PASD1: variants seen among roughly 807,000 people sequenced by gnomAD.
PASD1 encodes the protein circadian clock protein PASD1.
PASD1 carries 13 observed loss-of-function variants against 58.8 expected under a neutral mutation model. The ratio of observed to expected loss-of-function variants is 0.22; its 90% CI spans 0.14 to 0.35. The LOEUF (loss-of-function observed/expected upper bound fraction) is 0.35. Ranked by LOEUF, PASD1 falls within the 10% of genes least tolerant of loss-of-function variation. The pLI is 1.00. For synonymous variants in PASD1, 236 were observed against 216.7 expected, an observed-to-expected ratio of 1.09 and a Z score of -0.78; for missense variants, 734 against 568.3, an observed-to-expected ratio of 1.29 and a Z score of -2.96.
chrX:151,654,024 T>G (rs1012262302), intron 9 of PASD1, among the ~76,000 whole-genome samples: 2 of 100,772 alleles, frequency 2.0e-5, no homozygotes, highest in African/African-American at 7.3e-5. Flanking sequence ...CAGACTGGAA[T>G]GCAGTGGCAT....
chrX:151,570,568 A>G (rs1027481490), intron 1 of PASD1, among the ~76,000 whole-genome samples: 6 of 112,678 alleles, frequency 5.3e-5, no homozygotes, highest in African/African-American at 1.9e-4. Context: ...CTACATAGTG[A>G]TGAAAGGGTT....
rs138309673 is a variant in PASD1, at chrX:151,638,009, T to C, written c.630-10606T>C. Among the ~76,000 whole-genome samples the C allele has an allele frequency of 4.2e-3, 469 of 111,784 alleles. 3 individuals are homozygous for C. The highest frequency in any genetic ancestry group is 0.014 in the African/African-American group (436 of 30,732). ...CCTGCAAACATTGTTCTAATATTAA[T>C]TTTGCAAAGTCAGAGCAGTAAAAAT... On this transcript the variant is annotated intron_variant, in intron 8 of 15. Transcript: ENST00000370357.
chrX:151,634,085 T>C (rs1341653367), intron 8 of PASD1, among the ~76,000 whole-genome samples: 1 of 112,027 alleles, frequency 8.9e-6, no homozygotes, highest in Non-Finnish European at 1.9e-5. Context: ...TTGCTTTAGC[T>C]CCATTGCCAT....
intron 8 of PASD1, among the ~76,000 whole-genome samples, chrX:151,641,574 A>G (rs2013996593): frequency 9.0e-6 from 1 of 111,508 alleles, no homozygotes; most frequent in African/African-American, 3.3e-5. Context: ...ATAAGAATCC[A>G]TATCTGTGTC....
intron 8 of PASD1, among the ~76,000 whole-genome samples, chrX:151,635,354 C>T: frequency 8.9e-6 from 1 of 111,784 alleles, no homozygotes; most frequent in Admixed American, 9.5e-5. Context: ...CTTTTAAGTG[C>T]TTTCAGAACT....
chrX:151,599,454 C>T lies in PASD1; in HGVS notation c.-27-2073C>T, dbSNP rs1487722234. 2.5e-4 allele frequency among the ~76,000 whole-genome samples: 27 copies of T among 108,923 alleles called. No homozygotes were observed. In the East Asian group the frequency reaches 4.2e-3, roughly 17 times the overall value. The allele number at this position is 108,923 out of a possible 115,157, so 94.6% of individuals were successfully genotyped here. Reference sequence around the variant, plus strand: ...GGCGGCTGGCCGGGCGGGGGCTGCCCGCCACCTCCCGGACTGGGCGGCTGC... The same window carrying T: ...GGCGGCTGGCCGGGCGGGGGCTGCCTGCCACCTCCCGGACTGGGCGGCTGC... On this transcript the variant is annotated intron_variant, in intron 1 of 15. Transcript: ENST00000370357.
chrX:151,672,149 C>G (rs2014480035), intron 13 of PASD1, 34 bp from the exon 14 acceptor site: 1 of 1,131,708 alleles, frequency 8.8e-7, no homozygotes, highest in African/African-American at 1.8e-5. Flanking sequence ...CTTGCAGACA[C>G]CAGGGTGCTT....
At position 151,570,847 on chromosome X, in the gene PASD1, A is replaced by T. The variant is rs749733591; in HGVS notation, c.-28+7008A>T. Reference sequence around the variant, plus strand: ...AAGGAGGTGGTTGATTCATTCTTTTACTGTGGATTGTCAGCTGAATAAAGC... The same window carrying T: ...AAGGAGGTGGTTGATTCATTCTTTTTCTGTGGATTGTCAGCTGAATAAAGC... On this transcript the variant is annotated intron_variant, in intron 1 of 15. Transcript: ENST00000370357. Among the ~76,000 whole-genome samples the T allele has an allele frequency of 2.7e-5, 3 of 112,305 alleles. No individual in the cohort carries two copies. In the East Asian group the frequency reaches 8.4e-4, roughly 32 times the overall value.
At chrX:151,622,002 C>G (rs1010845280) in intron 6 of PASD1, among the ~76,000 whole-genome samples, 1 of 108,767 alleles carries the variant, frequency 9.2e-6, no homozygotes, top group African/African-American at 3.4e-5. Context: ...TGGCTGGGGT[C>G]GGGAATTCTA....
chrX:151,639,838 T>C (rs1028846576), intron 8 of PASD1, among the ~76,000 whole-genome samples: 1 of 112,149 alleles, frequency 8.9e-6, no homozygotes, highest in Non-Finnish European at 1.9e-5. Flanking sequence ...GTCATGTGTT[T>C]AGCTATGGGT....
chrX:151,624,633 T>C (rs1281058749), intron 7 of PASD1, among the ~76,000 whole-genome samples: 1 of 111,653 alleles, frequency 9.0e-6, no homozygotes, highest in East Asian at 2.8e-4. Context: ...GCTATTACAG[T>C]TGTTGTGATC....
Position 151,664,161 on chromosome X carries a change from C to G in PASD1, c.884C>G (p.Pro295Arg). 8.3e-7 allele frequency: 1 copy of G among 1,210,852 alleles called. No homozygotes were observed. The highest frequency in any genetic ancestry group is 1.1e-6 in the Non-Finnish European group (1 of 895,345). The change falls in exon 11 of 16, where the codon CCA becomes CGA. Residue 295 changes from proline (P) to arginine (R), a missense_variant. By Grantham distance (103) the Pro-to-Arg change is moderately radical (BLOSUM62 -2). Transcript: ENST00000370357. ...QDFRGEPEVN[P>R]LYRADPVDLE... is the part of the protein sequence containing the mutation. ...TTTCGAGGTGAGCCTGAGGTGAATC[C>G]ATTGTACAGGGCAGACCCAGTGGAC...
chrX:151,573,530 A>G (rs1305572226), intron 1 of PASD1, among the ~76,000 whole-genome samples: 4 of 112,923 alleles, frequency 3.5e-5, no homozygotes, highest in Middle Eastern at 4.6e-3. Flanking sequence ...CTGACAATAC[A>G]GGACTTTGAT....
At chrX:151,620,860 G>C in intron 4 of PASD1, 70 bp from the exon 5 acceptor site, 1 of 623,525 alleles carries the variant, frequency 1.6e-6, no homozygotes, top group South Asian at 2.7e-5. Context: ...TATTAACACA[G>C]ATAAAAAAGT....
rs1340241533 is a variant in PASD1, at chrX:151,630,949, A to G, written c.629+5419A>G. On this transcript the variant is annotated intron_variant, in intron 8 of 15. Coordinates refer to ENST00000370357, the MANE Select transcript of PASD1 (RefSeq NM_173493.3). Reference sequence around the variant, plus strand: ...GTGGAAAGTCTTGCTTTCTTGGACTATTGAAGGTAGAAAGAAGTAAGGGAT... The same window carrying G: ...GTGGAAAGTCTTGCTTTCTTGGACTGTTGAAGGTAGAAAGAAGTAAGGGAT... Among the ~76,000 whole-genome samples the G allele has an allele frequency of 7.2e-5, 8 of 111,851 alleles. No homozygotes were observed. In the East Asian group the frequency reaches 1.7e-3, roughly 24 times the overall value.
chrX:151,606,043 AC>A (rs995116141), intron 3 of PASD1, among the ~76,000 whole-genome samples: 2 of 112,393 alleles, frequency 1.8e-5, no homozygotes, highest in Non-Finnish European at 3.8e-5. Context: ...GTATAAATAC[AC>A]CCTAGAGGGA....
At chrX:151,668,197 T>C (rs767993992) in intron 11 of PASD1, among the ~76,000 whole-genome samples, 39 of 112,030 alleles carry the variant, frequency 3.5e-4, no homozygotes, top group African/African-American at 1.2e-3. Context: ...CCTAATTTAC[T>C]GAGAGTTTTT....
At chrX:151,620,575 T>C (rs188789709) in intron 4 of PASD1, among the ~76,000 whole-genome samples, 1 of 111,354 alleles carries the variant, frequency 9.0e-6, no homozygotes, top group African/African-American at 3.3e-5. Context: ...ACTTGAATAC[T>C]TATTTCAAAT....
intron 1 of PASD1, among the ~76,000 whole-genome samples, chrX:151,600,820 G>A (rs1354659057): frequency 8.9e-6 from 1 of 111,919 alleles, no homozygotes; most frequent in East Asian, 2.8e-4. Context: ...TTTGTGCTCA[G>A]TACCGTTCCA....
Sources: allele counts gnomAD v4.1 joint callset (sites outside exome capture counted in the v4.1 genomes callset), GRCh38; gene constraint gnomAD v4.1.1; transcripts MANE v1.5; gene names NCBI Gene and HGNC (gene_info 2026-07-23, HGNC 2026-07-21).